The following MRPL48 variants were observed in gnomAD, a reference collection of about 807,000 sequenced individuals.
The protein encoded by MRPL48 is large ribosomal subunit protein mL48.
Under a neutral mutation model 32.9 loss-of-function variants are expected in MRPL48, and 16 were observed. That is an observed-to-expected ratio of 0.49 (90% confidence interval 0.33 to 0.74). MRPL48 has a LOEUF of 0.74. MRPL48 is among the 30% of genes least tolerant of loss of function. The pLI, the probability that MRPL48 is intolerant of heterozygous loss-of-function variation, is 0.02. For synonymous variants in MRPL48, 94 were observed against 89.2 expected, an observed-to-expected ratio of 1.05 and a Z score of -0.31; for missense variants, 206 against 245.3, an observed-to-expected ratio of 0.84 and a Z score of 1.07.
intron 4 of MRPL48, among the ~76,000 whole-genome samples, chr11:73,840,327 T>C (rs1948166190): frequency 6.6e-6 from 1 of 152,032 alleles, no homozygotes; most frequent in African/African-American, 2.4e-5. Flanking sequence ...ACCTTGTCTC[T>C]ATAAAAAAAT....
chr11:73,837,225 C>T (rs1792165), intron 4 of MRPL48, among the ~76,000 whole-genome samples: 69,105 of 152,044 alleles, frequency 0.45, 16,897 homozygotes, highest in African/African-American at 0.65. Flanking sequence ...TCACTTATAG[C>T]GATGGGTAGA....
At chr11:73,845,931 A>G (rs113512380) in intron 5 of MRPL48, among the ~76,000 whole-genome samples, 19,658 of 151,766 alleles carry the variant, frequency 0.13, 1,714 homozygotes, top group African/African-American at 0.24. Flanking sequence ...AGCTGGGTGC[A>G]GTGGTGCACG....
intron 1 of MRPL48, among the ~76,000 whole-genome samples, chr11:73,798,044 G>C (rs1947289784): frequency 6.6e-6 from 1 of 152,044 alleles, no homozygotes. Flanking sequence ...AATATGTTTA[G>C]AAGGTTATGG....
At chr11:73,855,057 G>A (rs1781002809) in intron 5 of MRPL48, among the ~76,000 whole-genome samples, 1 of 152,072 alleles carries the variant, frequency 6.6e-6, no homozygotes, top group Non-Finnish European at 1.5e-5. Context: ...AATGTACATA[G>A]AACTATGTCC....
At chr11:73,860,936 C>T (rs12280727) in intron 6 of MRPL48, among the ~76,000 whole-genome samples, 310 of 152,288 alleles carry the variant, frequency 2.0e-3, no homozygotes, top group Middle Eastern at 6.8e-3. Flanking sequence ...TTTATCTCTT[C>T]ATTTAAATGG....
chr11:73,853,578 A>T (rs1948435871), intron 5 of MRPL48, among the ~76,000 whole-genome samples: 1 of 151,974 alleles, frequency 6.6e-6, no homozygotes, highest in Non-Finnish European at 1.5e-5. Context: ...ACATGACAGC[A>T]CTTAGCACAG....
At chr11:73,831,940 CAAAAAAAAAAAA>C (rs4019304) in intron 4 of MRPL48, among the ~76,000 whole-genome samples, 2 of 67,110 alleles carry the variant, frequency 3.0e-5, no homozygotes, top group East Asian at 4.5e-4. Flanking sequence ...AACTCTGTCT[CAAAAAAAAAAAA>C]AAAAAAAAAA....
intron 5 of MRPL48, among the ~76,000 whole-genome samples, chr11:73,847,998 T>C (rs1948325056): frequency 1.3e-5 from 2 of 152,220 alleles, no homozygotes; most frequent in Non-Finnish European, 2.9e-5. Context: ...TGAAGTTCAG[T>C]TTATCAATCT....
At chr11:73,847,369 C>G (rs1188367999) in intron 5 of MRPL48, among the ~76,000 whole-genome samples, 4 of 151,714 alleles carry the variant, frequency 2.6e-5, no homozygotes, top group African/African-American at 7.3e-5. Flanking sequence ...CTGTTTAAAT[C>G]TTTTGTCCAT....
At chr11:73,849,375 G>T (rs1017031500) in intron 5 of MRPL48, among the ~76,000 whole-genome samples, 1 of 152,122 alleles carries the variant, frequency 6.6e-6, no homozygotes, top group Non-Finnish European at 1.5e-5. Flanking sequence ...GATCTCAGGT[G>T]ATCTGCCTGC....
At chr11:73,803,909 A>C (rs1275160060) in intron 1 of MRPL48, among the ~76,000 whole-genome samples, 1 of 151,550 alleles carries the variant, frequency 6.6e-6, no homozygotes, top group Non-Finnish European at 1.5e-5. Context: ...TCATTTTTTA[A>C]TTTTATTTTT....
chr11:73,840,074 G>A (rs1270733673), intron 4 of MRPL48, among the ~76,000 whole-genome samples: 1 of 150,654 alleles, frequency 6.6e-6, no homozygotes, highest in Non-Finnish European at 1.5e-5. Flanking sequence ...CTCCAACCTG[G>A]GCAATATAGT....
Position 73,863,221 on chromosome 11 carries a change from A to T in MRPL48, c.524A>T (p.Gln175Leu). Residue 175 changes from glutamine (Q) to leucine (L), a missense_variant, in exon 7 of 8, where the codon CAA (glutamine) becomes CTA (leucine). Physicochemically the swap from Gln to Leu is moderately radical, Grantham distance 113. Transcript: ENST00000310614. Reference sequence around the variant, plus strand: ...GCAGAAATTTTCTTGGAAATAATCCAAAGCAGTCTTCCTGAAGGAGTCAGA... The same window carrying T: ...GCAGAAATTTTCTTGGAAATAATCCTAAGCAGTCTTCCTGAAGGAGTCAGA... ...TFAEIFLEII[Q>L]SSLPEGVRLS... is the part of the protein sequence containing the mutation. The T allele has an allele frequency of 6.3e-7, 1 of 1,578,416 alleles. No individual in the cohort carries two copies. The highest frequency in any genetic ancestry group is 8.6e-7 in the Non-Finnish European group (1 of 1,161,560).
chr11:73,813,808 G>A (rs1025478835), intron 3 of MRPL48, among the ~76,000 whole-genome samples: 1 of 152,008 alleles, frequency 6.6e-6, no homozygotes, highest in Admixed American at 6.6e-5. Flanking sequence ...TTGGGAGGCC[G>A]AGGCGGGTGG....
At chr11:73,852,419 C>T (rs985938500) in intron 5 of MRPL48, among the ~76,000 whole-genome samples, 5 of 121,454 alleles carry the variant, frequency 4.1e-5, no homozygotes, top group African/African-American at 1.5e-4. Context: ...AAAAAAAAAT[C>T]TAATAATCTA....
chr11:73,802,332 T>C (rs1590936749), intron 1 of MRPL48, among the ~76,000 whole-genome samples: 1 of 152,252 alleles, frequency 6.6e-6, no homozygotes, highest in African/African-American at 2.4e-5. Context: ...TATTGAAATA[T>C]AGTTCACATA....
At chr11:73,838,147 TG>T (rs1199428518) in intron 4 of MRPL48, among the ~76,000 whole-genome samples, 3 of 152,158 alleles carry the variant, frequency 2.0e-5, no homozygotes, top group Non-Finnish European at 4.4e-5. Flanking sequence ...CCTCCACTCC[TG>T]GCCCACAGAT....
chr11:73,854,086 A>G (rs975825527), intron 5 of MRPL48, among the ~76,000 whole-genome samples: 4 of 152,148 alleles, frequency 2.6e-5, no homozygotes, highest in Non-Finnish European at 1.5e-5. Flanking sequence ...TCCTTGGAAT[A>G]GTGTTTGAAA....
intron 1 of MRPL48, among the ~76,000 whole-genome samples, chr11:73,796,029 T>C (rs1947248405): frequency 6.6e-6 from 1 of 152,222 alleles, no homozygotes; most frequent in South Asian, 2.1e-4. Context: ...AATGAAATCG[T>C]GGGCCATCTG....
Sources: gnomAD v4.1 joint callset for allele counts (sites outside exome capture counted in the v4.1 genomes callset) on GRCh38, gnomAD v4.1.1 for gene constraint, MANE v1.5 for transcripts, NCBI Gene and HGNC (gene_info 2026-07-23, HGNC 2026-07-21) for gene names.